A1CF: variants seen among roughly 807,000 people sequenced by gnomAD.
The protein encoded by A1CF is APOBEC-1 stimulating protein.
A neutral mutation model predicts 68.9 loss-of-function variants in A1CF; 48 were observed. The ratio of observed to expected loss-of-function variants is 0.70; its 90% CI spans 0.55 to 0.89. A1CF has a LOEUF of 0.89. Ranked by LOEUF, A1CF falls within the 40% of genes least tolerant of loss-of-function variation. The pLI is 0.00. For synonymous variants in A1CF, 272 were observed against 260.4 expected (o/e 1.04, Z -0.43); for missense variants, 653 against 718.9 (o/e 0.91, Z 1.05).
chr10:50,867,973 G>A (rs1841073424), intron 1 of A1CF, among the ~76,000 whole-genome samples: 1 of 152,176 alleles, frequency 6.6e-6, no homozygotes, highest in Non-Finnish European at 1.5e-5. Flanking sequence ...GACTTGGTAA[G>A]CAGAGAAGTG....
chr10:50,851,564 A>G (rs182245377), intron 3 of A1CF, among the ~76,000 whole-genome samples: 13 of 152,318 alleles, frequency 8.5e-5, no homozygotes, highest in Admixed American at 8.5e-4. Context: ...GATTATAAAA[A>G]CAATTGCAAA....
At chr10:50,831,725 T>C (rs1019280788) in intron 6 of A1CF, among the ~76,000 whole-genome samples, 20 of 152,078 alleles carry the variant, frequency 1.3e-4, no homozygotes, top group African/African-American at 4.1e-4. Flanking sequence ...TGAAACTCCG[T>C]CTCAAAAATA....
At position 50,821,325 on chromosome 10, in the gene A1CF, T is replaced by A. The variant is rs1838662085; in HGVS notation, c.770-676A>T. On this transcript the variant is annotated intron_variant, in intron 7 of 12. Transcript: ENST00000373997. ...GATTGGAAACAATGTAAATATCTACTATTCTACTTTGAGTAATGTCTCTTA... is the reference window on the plus strand; with the variant it reads ...GATTGGAAACAATGTAAATATCTACAATTCTACTTTGAGTAATGTCTCTTA... 1.3e-5 allele frequency among the ~76,000 whole-genome samples: 2 copies of A among 152,206 alleles called. 1 individual carries two copies. Among genetic ancestry groups the A allele is most frequent in the South Asian group, 4.1e-4 (2 of 4,828 alleles).
intron 1 of A1CF, among the ~76,000 whole-genome samples, chr10:50,868,902 A>G (rs1841120313): frequency 6.6e-6 from 1 of 152,198 alleles, no homozygotes; most frequent in African/African-American, 2.4e-5. Context: ...ACCAAATACC[A>G]TATGTTCTCA....
At chr10:50,844,719 C>A (rs34862725) in intron 3 of A1CF, among the ~76,000 whole-genome samples, 2 of 152,026 alleles carry the variant, frequency 1.3e-5, no homozygotes, top group Non-Finnish European at 2.9e-5. Context: ...AACACAGTGA[C>A]ATGTAAAGTA....
intron 5 of A1CF, among the ~76,000 whole-genome samples, chr10:50,838,826 G>A (rs952351494): frequency 5.3e-5 from 8 of 152,074 alleles, no homozygotes; most frequent in Non-Finnish European, 1.0e-4. Context: ...GTCTTATTCC[G>A]TTTATTCTAC....
chr10:50,826,690 A>G (rs1044694426), intron 7 of A1CF, among the ~76,000 whole-genome samples: 1 of 152,192 alleles, frequency 6.6e-6, no homozygotes, highest in African/African-American at 2.4e-5. Flanking sequence ...CCAAATTGTA[A>G]AGACCATCCA....
intron 1 of A1CF, among the ~76,000 whole-genome samples, chr10:50,879,928 A>G (rs144978047): frequency 6.6e-6 from 1 of 152,204 alleles, no homozygotes; most frequent in East Asian, 1.9e-4. Context: ...ACAGCAAGGA[A>G]GGTGAGACTT....
At chr10:50,835,252 T>C (rs1839433616) in intron 6 of A1CF, among the ~76,000 whole-genome samples, 1 of 152,076 alleles carries the variant, frequency 6.6e-6, no homozygotes, top group South Asian at 2.1e-4. Context: ...TAGTATTGGT[T>C]TGTTTTGAAG....
Position 50,878,136 on chromosome 10 carries a change from GA to G in A1CF, c.-94+7444del, listed in dbSNP as rs553911799. Among the ~76,000 whole-genome samples the G allele has an allele frequency of 2.7e-5, 4 of 150,074 alleles. No homozygotes were observed. In the East Asian group the frequency reaches 5.8e-4, roughly 22 times the overall value. On this transcript the variant is annotated intron_variant, in intron 1 of 12. Transcript: ENST00000373997. ...GACTCCATCTCAAAAAGAAAAAAAA[GA>G]AAAAAAGAGAAAAACTGCCAGAGAA... is the stretch of plus-strand genomic sequence containing the variant.
rs1838035229 is a variant in A1CF, at chr10:50,810,180, A to G, written c.1461-138T>C. The G allele has an allele frequency of 6.2e-6, 6 of 970,224 alleles. No homozygotes were observed. The East Asian group carries it at 1.6e-4, about 26-fold the overall frequency. 60.1% of individuals were successfully genotyped at this position (970,224 alleles called of 1,614,324 possible). On this transcript the variant is annotated intron_variant, in intron 11 of 12. Transcript: ENST00000373997. ...GGTGTTTTTCATTCTGTTTGCTATT[A>G]AAGCTTCTAAATATAGGTTGCATGT...
At chr10:50,828,844 G>T (rs1350030665) in intron 6 of A1CF, among the ~76,000 whole-genome samples, 5 of 152,032 alleles carry the variant, frequency 3.3e-5, no homozygotes, top group Non-Finnish European at 7.4e-5. Flanking sequence ...CCTCACACTT[G>T]GTCAAGGCTT....
In A1CF at chr10:50,876,066, C is replaced by A. The variant is rs570088064; in HGVS notation, c.-94+9515G>T. Among the ~76,000 whole-genome samples the A allele has an allele frequency of 1.2e-4, 18 of 152,316 alleles. No individual in the cohort carries two copies. The South Asian group carries it at 3.7e-3, about 32-fold the overall frequency. On this transcript the variant is annotated intron_variant, in intron 1 of 12. Coordinates refer to ENST00000373997, the MANE Select transcript of A1CF (RefSeq NM_014576.4). ...CCTAGGCGCCTTTGTCCTTGTTTCCCATTTCCCACATGCCTAGGATTCCCA... is the reference window on the plus strand; with the variant it reads ...CCTAGGCGCCTTTGTCCTTGTTTCCAATTTCCCACATGCCTAGGATTCCCA...
chr10:50,855,777 A>G (rs571807692), intron 3 of A1CF, among the ~76,000 whole-genome samples: 1 of 152,142 alleles, frequency 6.6e-6, no homozygotes, highest in Non-Finnish European at 1.5e-5. Context: ...TCAACATTCA[A>G]TATCAGAGAC....
intron 3 of A1CF, among the ~76,000 whole-genome samples, chr10:50,857,786 T>C (rs1417899884): frequency 6.6e-6 from 1 of 152,130 alleles, no homozygotes; most frequent in Non-Finnish European, 1.5e-5. Flanking sequence ...AATTTCCAGA[T>C]TTTGTTGGGT....
intron 1 of A1CF, among the ~76,000 whole-genome samples, chr10:50,865,823 C>CA (rs34781922): frequency 6.6e-6 from 1 of 152,148 alleles, no homozygotes; most frequent in African/African-American, 2.4e-5. Context: ...TCAGTCCTCT[C>CA]AAAAAAACCT....
chr10:50,827,655 T>C (rs1295099658), intron 7 of A1CF, among the ~76,000 whole-genome samples: 2 of 152,198 alleles, frequency 1.3e-5, no homozygotes, highest in African/African-American at 4.8e-5. Flanking sequence ...GAGGGAAATT[T>C]ATAGCACTAA....
intron 6 of A1CF, among the ~76,000 whole-genome samples, chr10:50,832,587 G>A (rs1839300705): frequency 6.6e-6 from 1 of 152,176 alleles, no homozygotes; most frequent in African/African-American, 2.4e-5. Context: ...TCTGGTGAAA[G>A]TGAGTGTTAC....
intron 10 of A1CF, among the ~76,000 whole-genome samples, chr10:50,812,647 A>T (rs1005586991): frequency 2.6e-5 from 4 of 152,280 alleles, no homozygotes; most frequent in African/African-American, 4.8e-5. Flanking sequence ...AAACTGGATG[A>T]GTGGCTTTTA....
Sources: gnomAD v4.1 joint callset for allele counts (sites outside exome capture counted in the v4.1 genomes callset) on GRCh38, gnomAD v4.1.1 for gene constraint, MANE v1.5 for transcripts, NCBI Gene and HGNC (gene_info 2026-07-23, HGNC 2026-07-21) for gene names.